MMS19: variants seen among roughly 807,000 people sequenced by gnomAD.
MMS19 encodes MMS19 nucleotide excision repair protein homolog.
Under a neutral mutation model 129.8 loss-of-function variants are expected in MMS19, and 77 were observed. That is an observed-to-expected ratio of 0.59 (90% CI 0.49 to 0.72). MMS19 has a LOEUF of 0.72. MMS19 is among the 30% of genes least tolerant of loss of function. MMS19 has a pLI of 0.00. For missense variants in MMS19, 1,168 were observed against 1,266.3 expected (o/e 0.92, Z 1.18); for synonymous variants, 491 against 502.8 (o/e 0.98, Z 0.31).
At chr10:97,482,967 A>G (rs893035502) in intron 2 of MMS19, among the ~76,000 whole-genome samples, 2 of 151,110 alleles carry the variant, frequency 1.3e-5, no homozygotes, top group Non-Finnish European at 3.0e-5. Flanking sequence ...TCACCGTGCT[A>G]GCCAGGATGG....
At chr10:97,470,247 G>T in intron 9 of MMS19, 44 bp from the exon 10 acceptor site, 1 of 1,380,842 alleles carries the variant, frequency 7.2e-7, no homozygotes, top group Non-Finnish European at 1.0e-6. Context: ...TGGGTGGTGT[G>T]TCAGTCACAT....
chr10:97,482,706 C>CTG lies in MMS19; in HGVS notation c.161+1395_161+1396dup, dbSNP rs369393413. Among the ~76,000 whole-genome samples the CTG allele has an allele frequency of 6.0e-3, 787 of 131,932 alleles. 5 individuals are homozygous for CTG. Among genetic ancestry groups the CTG allele is most frequent in the African/African-American group, 8.8e-3 (319 of 36,304 alleles). 86.6% of individuals were successfully genotyped at this position (131,932 alleles called of 152,430 possible). ...ATATGTGAATCATACATCAATAAGG[C>CTG]TGTGTGTGTGTGTGTGTGTGTGTAT... On this transcript the variant is annotated intron_variant, in intron 2 of 30. Transcript: ENST00000438925.
At position 97,462,727 on chromosome 10, in the gene MMS19, G is replaced by A. The variant is rs372967760; in HGVS notation, c.1913-45C>T. 8.4e-5 allele frequency: 123 copies of A among 1,461,914 alleles called. No individual in the cohort carries two copies. The African/African-American group carries it at 1.5e-3, about 17-fold the overall frequency. The allele number at this position is 1,461,914 out of a possible 1,614,324, so 90.6% of individuals were successfully genotyped here. ...GCACACAATCACAAGACCATGACGGGTTCAAGAAATGAATGATTGGGTTCT... is the reference window on the plus strand; with the variant it reads ...GCACACAATCACAAGACCATGACGGATTCAAGAAATGAATGATTGGGTTCT... On this transcript the variant is annotated intron_variant, in intron 19 of 30. Transcript: ENST00000438925.
intron 1 of MMS19, among the ~76,000 whole-genome samples, chr10:97,493,161 C>T (rs1481779094): frequency 6.6e-6 from 1 of 151,918 alleles, no homozygotes; most frequent in Non-Finnish European, 1.5e-5. Context: ...ACAGGCACAC[C>T]ACCATGCTGG....
In MMS19 at chr10:97,477,211, C is replaced by T. The variant is rs546814118; in HGVS notation, c.493+136G>A. The T allele has an allele frequency of 3.3e-5, 50 of 1,520,910 alleles. No homozygotes were observed. The South Asian group carries it at 5.9e-4, about 18-fold the overall frequency. 94.2% of individuals were successfully genotyped at this position (1,520,910 alleles called of 1,614,324 possible). On this transcript the variant is annotated intron_variant, in intron 6 of 30. Coordinates refer to ENST00000438925, the MANE Select transcript of MMS19 (RefSeq NM_022362.5). ...CTTTACTTCACTGGGAGGGAGCAGA[C>T]CCCCTCTTTCCCTTTATCATTCTCT...
At chr10:97,471,205 A>T (rs2135337186) in intron 8 of MMS19, among the ~76,000 whole-genome samples, 1 of 152,238 alleles carries the variant, frequency 6.6e-6, no homozygotes, top group East Asian at 1.9e-4. Flanking sequence ...CTTAAAAATC[A>T]TTTTGTACAT....
intron 8 of MMS19, among the ~76,000 whole-genome samples, chr10:97,475,744 C>G (rs2035636898): frequency 6.6e-6 from 1 of 151,802 alleles, no homozygotes; most frequent in Non-Finnish European, 1.5e-5. Flanking sequence ...CTCAAAAAAG[C>G]AAAAACCAAA....
intron 3 of MMS19, among the ~76,000 whole-genome samples, 182 bp from the exon 4 acceptor site, chr10:97,478,571 T>C (rs1244303467): frequency 6.6e-6 from 1 of 152,116 alleles, no homozygotes; most frequent in Non-Finnish European, 1.5e-5. Flanking sequence ...GTCGGGAAAA[T>C]AGGGGAACAT....
At chr10:97,484,209 G>A in intron 1 of MMS19, 58 bp from the exon 2 acceptor site, 1 of 1,147,362 alleles carries the variant, frequency 8.7e-7, no homozygotes, top group South Asian at 1.5e-5. Flanking sequence ...CCAAAGGGTT[G>A]AATAACACTA....
intron 22 of MMS19, 86 bp from the exon 23 acceptor site, chr10:97,461,708 G>C: frequency 6.5e-7 from 1 of 1,549,334 alleles, no homozygotes; most frequent in Non-Finnish European, 8.8e-7. Flanking sequence ...GGACCGGGAC[G>C]GATGAGAACT....
intron 1 of MMS19, among the ~76,000 whole-genome samples, chr10:97,492,131 CA>C (rs1209411312): frequency 9.8e-6 from 1 of 102,394 alleles, no homozygotes; most frequent in Non-Finnish European, 2.0e-5. Flanking sequence ...GAGTGAAACT[CA>C]ATCTAAAAAA....
At chr10:97,461,679 C>T (rs2031978451) in intron 22 of MMS19, 57 bp from the exon 23 acceptor site, 3 of 1,576,530 alleles carry the variant, frequency 1.9e-6, no homozygotes, top group Non-Finnish European at 2.6e-6. Context: ...CCAAGAGAAC[C>T]AGTACATAGT....
At chr10:97,458,761 C>T in intron 30 of MMS19, 39 bp downstream of exon 30, 1 of 1,613,306 alleles carries the variant, frequency 6.2e-7, no homozygotes. Flanking sequence ...TGATGAGGCT[C>T]ATCTTGGTCC....
chr10:97,464,117 C>T, intron 18 of MMS19, 104 bp from the exon 19 acceptor site: 1 of 1,030,622 alleles, frequency 9.7e-7, no homozygotes, highest in Non-Finnish European at 1.4e-6. Flanking sequence ...ACTGAAGGGA[C>T]CAAGAGTGCC....
At chr10:97,487,138 A>G (rs918401957) in intron 1 of MMS19, among the ~76,000 whole-genome samples, 1 of 151,910 alleles carries the variant, frequency 6.6e-6, no homozygotes, top group Non-Finnish European at 1.5e-5. Context: ...TAGAATGGAA[A>G]GTCCAGAGAC....
At chr10:97,479,750 T>C (rs1157366256) in intron 3 of MMS19, among the ~76,000 whole-genome samples, 1 of 151,148 alleles carries the variant, frequency 6.6e-6, no homozygotes, top group African/African-American at 2.4e-5. Context: ...CCATATAATG[T>C]AAAAACATCT....
At chr10:97,484,620 A>G (rs943257812) in intron 1 of MMS19, among the ~76,000 whole-genome samples, 5 of 152,172 alleles carry the variant, frequency 3.3e-5, no homozygotes, top group African/African-American at 1.2e-4. Flanking sequence ...AATACACTAC[A>G]TAAAAACTTT....
intron 1 of MMS19, among the ~76,000 whole-genome samples, chr10:97,493,592 C>T (rs1236801462): frequency 6.6e-6 from 1 of 152,150 alleles, no homozygotes; most frequent in East Asian, 1.9e-4. Flanking sequence ...GTAACAAGTT[C>T]TGTGTTACCA....
At position 97,477,444 on chromosome 10, in the gene MMS19, G is replaced by A. The variant is rs29001283; in HGVS notation, c.424-28C>T. 6.1e-3 allele frequency: 9,768 copies of A among 1,613,840 alleles called. 40 individuals carry two copies. The highest frequency in any genetic ancestry group is 7.5e-3 in the Non-Finnish European group (8,814 of 1,179,812). ...TGGGGGTGGGGGAGAAAGAAGTGAA[G>A]AAAATGCTCAAAGAATACCTCAGCT... On this transcript the variant is annotated intron_variant, in intron 5 of 30. Coordinates refer to ENST00000438925, the MANE Select transcript of MMS19 (RefSeq NM_022362.5).
Sources: allele counts gnomAD v4.1 joint callset (sites outside exome capture counted in the v4.1 genomes callset), GRCh38; gene constraint gnomAD v4.1.1; transcripts MANE v1.5; gene names NCBI Gene and HGNC (gene_info 2026-07-23, HGNC 2026-07-21).